The following ARHGAP22 variants were observed in gnomAD, a reference collection of about 807,000 sequenced individuals.
ARHGAP22 encodes the protein Rho GTPase activating protein 22.
Under a neutral mutation model 59.1 loss-of-function variants are expected in ARHGAP22, and 48 were observed. The ratio of observed to expected loss-of-function variants is 0.81; its 90% CI spans 0.64 to 1.03. ARHGAP22 has a LOEUF of 1.03. Ranked by LOEUF, ARHGAP22 falls within the 50% of genes least tolerant of loss-of-function variation. The probability of loss-of-function intolerance (pLI) is 0.00; values close to 1 mark genes in which losing one functional copy is unlikely to be tolerated. For synonymous variants in ARHGAP22, 445 were observed against 416.4 expected (o/e 1.07, Z -0.84); for missense variants, 1,015 against 958.7 (o/e 1.06, Z -0.78).
At chr10:48,590,258 C>T (rs1200645237) in intron 1 of ARHGAP22, among the ~76,000 whole-genome samples, 1 of 151,648 alleles carries the variant, frequency 6.6e-6, no homozygotes, top group Non-Finnish European at 1.5e-5. Context: ...ACGGGAGGGA[C>T]CCGAGCCGGT....
intron 1 of ARHGAP22, among the ~76,000 whole-genome samples, chr10:48,587,400 G>T (rs1181913949): frequency 1.3e-5 from 2 of 152,226 alleles, no homozygotes; most frequent in East Asian, 3.9e-4. Flanking sequence ...TTTCTTATCT[G>T]GGTCTCAACT....
intron 3 of ARHGAP22, among the ~76,000 whole-genome samples, chr10:48,505,982 T>C (rs1254064099): frequency 6.6e-6 from 1 of 152,196 alleles, no homozygotes; most frequent in Admixed American, 6.5e-5. Context: ...CCACAAAATC[T>C]ATAGGCATGT....
At chr10:48,537,525 G>C (rs766758463) in intron 3 of ARHGAP22, among the ~76,000 whole-genome samples, 5 of 152,192 alleles carry the variant, frequency 3.3e-5, no homozygotes, top group African/African-American at 9.7e-5. Context: ...CTGACTTGAC[G>C]GGAGGTTCTC....
At chr10:48,504,839 G>T (rs923085093) in intron 3 of ARHGAP22, among the ~76,000 whole-genome samples, 4 of 152,094 alleles carry the variant, frequency 2.6e-5, no homozygotes, top group Admixed American at 1.3e-4. Flanking sequence ...CTGAGACTCA[G>T]CAGAACTTGC....
chr10:48,479,122 T>TC (rs1261465611), intron 4 of ARHGAP22: 3 of 154,486 alleles, frequency 1.9e-5, no homozygotes, highest in African/African-American at 7.2e-5. Context: ...CCAAAGCTCG[T>TC]CCCTACCTCG....
chr10:48,645,566 G>C (rs2062258339), intron 1 of ARHGAP22, among the ~76,000 whole-genome samples: 1 of 152,028 alleles, frequency 6.6e-6, no homozygotes, highest in Non-Finnish European at 1.5e-5. Flanking sequence ...AATGGATGCA[G>C]AAAAGCATCT....
chr10:48,584,374 G>A (rs371334860), intron 1 of ARHGAP22, among the ~76,000 whole-genome samples: 5 of 152,154 alleles, frequency 3.3e-5, no homozygotes, highest in African/African-American at 1.2e-4. Flanking sequence ...TTAGCTGCAT[G>A]GTGAGCTCCT....
At chr10:48,501,091 A>G (rs7895625) in intron 3 of ARHGAP22, among the ~76,000 whole-genome samples, 37,250 of 152,072 alleles carry the variant, frequency 0.24, 8,154 homozygotes, top group East Asian at 0.59. Flanking sequence ...ACAAATGGCA[A>G]AAGGAGAGGG....
At chr10:48,545,773 G>A (rs1184482794) in intron 3 of ARHGAP22, among the ~76,000 whole-genome samples, 1 of 152,228 alleles carries the variant, frequency 6.6e-6, no homozygotes, top group Non-Finnish European at 1.5e-5. Flanking sequence ...GATAAGGCCA[G>A]GCAGCTACAA....
At chr10:48,558,759 C>T (rs1281894787) in intron 2 of ARHGAP22, among the ~76,000 whole-genome samples, 2 of 152,170 alleles carry the variant, frequency 1.3e-5, no homozygotes, top group African/African-American at 4.8e-5. Flanking sequence ...GAAAGTAGGA[C>T]CATTTGCATT....
intron 1 of ARHGAP22, among the ~76,000 whole-genome samples, chr10:48,645,569 A>G (rs910726748): frequency 6.6e-6 from 1 of 152,202 alleles, no homozygotes; most frequent in Non-Finnish European, 1.5e-5. Flanking sequence ...GGATGCAGAA[A>G]AGCATCTGAC....
chr10:48,474,065 A>G (rs1243460460), intron 4 of ARHGAP22, among the ~76,000 whole-genome samples: 1 of 151,682 alleles, frequency 6.6e-6, no homozygotes, highest in African/African-American at 2.4e-5. Context: ...AACAATATCA[A>G]CTCTTCTCAT....
intron 7 of ARHGAP22, among the ~76,000 whole-genome samples, 157 bp downstream of exon 7, chr10:48,453,931 C>T (rs918518649): frequency 6.6e-6 from 1 of 152,178 alleles, no homozygotes. Context: ...CTGTGCTTTT[C>T]CACTCCCTGC....
chr10:48,458,718 CTGAGG>C (rs1447548324), intron 5 of ARHGAP22, among the ~76,000 whole-genome samples: 1 of 152,190 alleles, frequency 6.6e-6, no homozygotes, highest in Non-Finnish European at 1.5e-5. Context: ...GCCTGGCTGG[CTGAGG>C]TTCAGAATGG....
upstream of ARHGAP22, among the ~76,000 whole-genome samples, chr10:48,609,882 A>C (rs2060816727): frequency 6.6e-6 from 1 of 152,206 alleles, no homozygotes; most frequent in Admixed American, 6.5e-5. Flanking sequence ...TGCTGAATTA[A>C]AAAAATTCTT....
chr10:48,654,868 CTTCTTTCT>C (rs796813176), upstream of ARHGAP22, among the ~76,000 whole-genome samples: 4 of 122,054 alleles, frequency 3.3e-5, no homozygotes, highest in East Asian at 9.4e-4. Flanking sequence ...TCTTTCTTTC[CTTCTTTCT>C]TTCTTTCTCT....
intron 1 of ARHGAP22, among the ~76,000 whole-genome samples, chr10:48,598,886 A>G (rs1203436504): frequency 1.3e-5 from 2 of 152,204 alleles, no homozygotes; most frequent in Non-Finnish European, 2.9e-5. Flanking sequence ...CAAGCCTGGC[A>G]TGTAAATGTG....
intron 4 of ARHGAP22, among the ~76,000 whole-genome samples, chr10:48,475,430 G>T (rs2048620403): frequency 6.6e-6 from 1 of 152,052 alleles, no homozygotes; most frequent in Non-Finnish European, 1.5e-5. Context: ...ATATCTACCT[G>T]CCTACTTGAC....
At chr10:48,573,267 T>A (rs935434508) in intron 2 of ARHGAP22, among the ~76,000 whole-genome samples, 2 of 152,206 alleles carry the variant, frequency 1.3e-5, no homozygotes, top group Non-Finnish European at 2.9e-5. Context: ...GTTTACCGCA[T>A]GAGTTTACTC....
Sources: gnomAD v4.1 joint callset for allele counts (sites outside exome capture counted in the v4.1 genomes callset) on GRCh38, gnomAD v4.1.1 for gene constraint, MANE v1.5 for transcripts, NCBI Gene and HGNC (gene_info 2026-07-23, HGNC 2026-07-21) for gene names.